The following SPATA2L variants were observed in gnomAD, a reference collection of about 807,000 sequenced individuals.
The protein encoded by SPATA2L is spermatogenesis-associated protein 2-like protein.
A neutral mutation model predicts 8.7 loss-of-function variants in SPATA2L; 5 were observed. The observed-to-expected ratio is 0.57, with a 90% CI of 0.30 to 1.21. The LOEUF (loss-of-function observed/expected upper bound fraction) is 1.21, where lower values mean the gene tolerates loss of function less well. Among genes scored for constraint, SPATA2L ranks in the 50% most tolerant of loss-of-function variants. SPATA2L has a pLI of 0.07. For missense variants in SPATA2L, 671 were observed against 591.0 expected (o/e 1.14, Z -1.40); for synonymous variants, 358 against 275.8 (o/e 1.30, Z -2.95).
chr16:89,696,913 C>T lies in SPATA2L; in HGVS notation c.*421G>A, dbSNP rs1417856748. On this transcript the variant is annotated 3_prime_UTR_variant, in exon 3 of 3. Transcript: ENST00000289805. ...TCACCAACAGGCCCTTGAGGACACT[C>T]GTGTGGAGAATCCCTGGGACACGTG... The T allele has an allele frequency of 2.3e-5, 35 of 1,528,264 alleles. No homozygotes were observed. Among genetic ancestry groups the T allele is most frequent in the Non-Finnish European group, 3.0e-5 (34 of 1,141,708 alleles). The allele number at this position is 1,528,264 out of a possible 1,614,324, so 94.7% of individuals were successfully genotyped here.
chr16:89,698,101 C>T lies in SPATA2L; in HGVS notation c.508G>A (p.Ala170Thr). The T allele has an allele frequency of 6.2e-7, 1 of 1,603,398 alleles. No homozygotes were observed. The change falls in exon 3 of 3, where the codon GCC becomes ACC. Residue 170 changes from alanine to threonine, a missense_variant. Transcript: ENST00000289805. Reference protein sequence around the residue: ...LECEILGEVLAQLGTSVLPAE... With the variant: ...LECEILGEVLTQLGTSVLPAE... The stretch of plus-strand genomic sequence containing the variant: ...GGCAGCACACTGGTGCCCAGCTGGG[C>T]CAGCACCTCACCCAGGATCTCACAC...
rs1298480849 is a variant in SPATA2L at position 89,696,749 on chromosome 16, C to T, written c.*585G>A. 6.6e-7 allele frequency: 1 copy of T among 1,514,684 alleles called. No individual in the cohort carries two copies. Among genetic ancestry groups the T allele is most frequent in the Non-Finnish European group, 8.8e-7 (1 of 1,130,392 alleles). 93.8% of individuals were successfully genotyped at this position (1,514,684 alleles called of 1,614,324 possible). ...TGCACCTCCACATCTGGTTTGAGGTCAGGTCATTTCCTGTCTGTGGGCCCA... is the reference window on the plus strand; with the variant it reads ...TGCACCTCCACATCTGGTTTGAGGTTAGGTCATTTCCTGTCTGTGGGCCCA... On this transcript the variant is annotated 3_prime_UTR_variant, in exon 3 of 3. Transcript: ENST00000289805.
In SPATA2L at chr16:89,696,719, T is replaced by A; in HGVS notation, c.*615A>T. ...GTCAGCCACTGCCCGTTCCTGCGCCTCTCGTGCACCTCCACATCTGGTTTG... is the reference window on the plus strand; with the variant it reads ...GTCAGCCACTGCCCGTTCCTGCGCCACTCGTGCACCTCCACATCTGGTTTG... On this transcript the variant is annotated 3_prime_UTR_variant, in exon 3 of 3. Transcript: ENST00000289805. 4.2e-6 allele frequency: 6 copies of A among 1,429,506 alleles called. No homozygotes were observed. Among genetic ancestry groups the A allele is most frequent in the Non-Finnish European group, 5.7e-6 (6 of 1,059,442 alleles). The allele number at this position is 1,429,506 out of a possible 1,614,324, so 88.6% of individuals were successfully genotyped here.
In SPATA2L at chr16:89,701,098, C is replaced by T. The variant is rs1180375064; in HGVS notation, c.135G>A (p.Leu45=). Residue 45 remains leucine, a synonymous_variant, in exon 2 of 3, where the codon CTG becomes CTA. Coordinates refer to ENST00000289805, the MANE Select transcript of SPATA2L (RefSeq NM_152339.4). ...LWQILVEDFD[L]HGALQDDALA... ...GCGCGTCGTCCTGCAGCGCCCCGTGCAGGTCGAAGTCCTCCACCAGGATCT... is the reference window on the plus strand; with the variant it reads ...GCGCGTCGTCCTGCAGCGCCCCGTGTAGGTCGAAGTCCTCCACCAGGATCT... The T allele has an allele frequency of 6.4e-7, 1 of 1,565,174 alleles. No homozygotes were observed.
chr16:89,696,803 G>A lies in SPATA2L; in HGVS notation c.*531C>T, dbSNP rs2151608540. On this transcript the variant is annotated 3_prime_UTR_variant, in exon 3 of 3. Coordinates refer to ENST00000289805, the MANE Select transcript of SPATA2L (RefSeq NM_152339.4). ...GCTGTGACACCCAAGGGGAGGGCCG[G>A]CGTCCCCGAAGCCAGGTCAGCCGTG... is the stretch of plus-strand genomic sequence containing the variant. 2 of 1,534,106 alleles carry A rather than the reference G, an allele frequency of 1.3e-6. No individual in the cohort carries two copies. Among genetic ancestry groups the A allele is most frequent in the South Asian group, 1.2e-5 (1 of 83,626 alleles).
Position 89,697,837 on chromosome 16 carries a change from C to A in SPATA2L, c.772G>T (p.Ala258Ser). The A allele has an allele frequency of 6.2e-7, 1 of 1,607,608 alleles. No homozygotes were observed. The highest frequency in any genetic ancestry group is 8.5e-7 in the Non-Finnish European group (1 of 1,178,106). ...PGPDSPPAEL[A>S]YRPPLWEQSA... ...TGCTCCCAGAGTGGTGGCCTGTAGG[C>A]CAGCTCCGCCGGGGGCGAGTCAGGG... The change falls in exon 3 of 3, where the codon GCC becomes TCC. Residue 258 changes from alanine to serine, a missense_variant. Coordinates refer to ENST00000289805, the MANE Select transcript of SPATA2L (RefSeq NM_152339.4).
Position 89,698,208 on chromosome 16 carries a change from CTG to C in SPATA2L, c.399_400del (p.Asp133GlufsTer30). ...CAGGGCGGTCACCATGAGCCGATGG[CTG>C]TCTCTGCGTACGTAGCCCATCTTCT... On this transcript the variant is annotated frameshift_variant, in exon 3 of 3. Coordinates refer to ENST00000289805, the MANE Select transcript of SPATA2L (RefSeq NM_152339.4). LOFTEE classifies it low-confidence loss of function (END_TRUNC). 6.2e-7 allele frequency: 1 copy of C among 1,613,044 alleles called. No homozygotes were observed. Among genetic ancestry groups the C allele is most frequent in the Non-Finnish European group, 8.5e-7 (1 of 1,179,852 alleles).
intron 2 of SPATA2L, among the ~76,000 whole-genome samples, chr16:89,699,940 A>G (rs2060764957): frequency 1.3e-5 from 2 of 152,132 alleles, no homozygotes; most frequent in Admixed American, 1.3e-4. Context: ...CAAATTCCCT[A>G]ACTCCGGGAC....
Position 89,701,632 on chromosome 16 carries a change from C to A in SPATA2L, c.-6G>T. The stretch of plus-strand genomic sequence containing the variant: ...TCCCGCGGGTGACGGCGCTACCTGT[C>A]TGTCCCCAGCGGTCTCCGGCCGCCG... On this transcript the variant is annotated 5_prime_UTR_variant, in exon 1 of 3. Transcript: ENST00000289805. The A allele has an allele frequency of 5.3e-6, 1 of 188,692 alleles. No homozygotes were observed. Among genetic ancestry groups the A allele is most frequent in the Non-Finnish European group, 1.1e-5 (1 of 92,426 alleles). The allele number at this position is 188,692 out of a possible 1,614,324, so 11.7% of individuals were successfully genotyped here.
intron 2 of SPATA2L, among the ~76,000 whole-genome samples, chr16:89,699,285 G>T (rs771653151): frequency 6.6e-6 from 1 of 152,092 alleles, no homozygotes; most frequent in South Asian, 2.1e-4. Flanking sequence ...TACAGATTTC[G>T]TTTGCTCCTC....
chr16:89,696,503 C>T lies in SPATA2L; in HGVS notation c.*831G>A, dbSNP rs2060723071. The stretch of plus-strand genomic sequence containing the variant: ...CCCAGAGGGGCTGTCACAGTGGATG[C>T]ACCCTGCCCTCTCCCTCGCCAGACC... On this transcript the variant is annotated 3_prime_UTR_variant, in exon 3 of 3. Coordinates refer to ENST00000289805, the MANE Select transcript of SPATA2L (RefSeq NM_152339.4). 1 of 392,142 alleles carries T rather than the reference C, an allele frequency of 2.6e-6. No homozygotes were observed. The highest frequency in any genetic ancestry group is 4.6e-6 in the Non-Finnish European group (1 of 216,072). The allele number at this position is 392,142 out of a possible 1,614,324, so 24.3% of individuals were successfully genotyped here.
At position 89,697,894 on chromosome 16, in the gene SPATA2L, C is replaced by T. The variant is rs777715911; in HGVS notation, c.715G>A (p.Asp239Asn). 22 of 1,611,506 alleles carry T rather than the reference C, an allele frequency of 1.4e-5. No homozygotes were observed. The highest frequency in any genetic ancestry group is 2.2e-5 in the South Asian group (2 of 91,028). ...GACGGCTCCCCATACAGGCTGGCGT[C>T]CTCCGACCCCTCGTCTTCCTGCAAG... ...RDLQEDEGSEDASLYGEPSPG... is the reference protein window; with the variant it reads ...RDLQEDEGSENASLYGEPSPG... The change falls in exon 3 of 3, where the codon GAC becomes AAC. Residue 239 changes from aspartate (D) to asparagine (N), a missense_variant. Coordinates refer to ENST00000289805, the MANE Select transcript of SPATA2L (RefSeq NM_152339.4).
At position 89,698,194 on chromosome 16, in the gene SPATA2L, C is replaced by G; in HGVS notation, c.415G>C (p.Val139Leu). The change falls in exon 3 of 3, where the codon GTG becomes CTG. Residue 139 changes from valine (V) to leucine (L), a missense_variant. Val to Leu is a conservative substitution (Grantham distance 32). Transcript: ENST00000289805. ...YVRRDSHRLMVTALPPACQLV... is the reference protein window; with the variant it reads ...YVRRDSHRLMLTALPPACQLV... Reference sequence around the variant, plus strand: ...TGGCAGGCGGGGGGCAGGGCGGTCACCATGAGCCGATGGCTGTCTCTGCGT... The same window carrying G: ...TGGCAGGCGGGGGGCAGGGCGGTCAGCATGAGCCGATGGCTGTCTCTGCGT... 1 of 1,613,016 alleles carries G rather than the reference C, an allele frequency of 6.2e-7. No homozygotes were observed. The highest frequency in any genetic ancestry group is 8.5e-7 in the Non-Finnish European group (1 of 1,179,894).
chr16:89,697,907 G>A lies in SPATA2L; in HGVS notation c.702C>T (p.Asp234=), dbSNP rs772683901. 57 of 1,611,376 alleles carry A rather than the reference G, an allele frequency of 3.5e-5. No homozygotes were observed. In the South Asian group the frequency reaches 4.9e-4, roughly 14 times the overall value. The change falls in exon 3 of 3, where the codon GAC becomes GAT. Residue 234 remains aspartate, a synonymous_variant. Coordinates refer to ENST00000289805, the MANE Select transcript of SPATA2L (RefSeq NM_152339.4). ...PLDLYRDLQE[D]EGSEDASLYG... is the part of the protein sequence containing the mutation. ...ACAGGCTGGCGTCCTCCGACCCCTC[G>A]TCTTCCTGCAAGTCCCGGTATAAGT... is the stretch of plus-strand genomic sequence containing the variant.
In SPATA2L at chr16:89,697,162, C is replaced by A; in HGVS notation, c.*172G>T. On this transcript the variant is annotated 3_prime_UTR_variant, in exon 3 of 3. Transcript: ENST00000289805. ...TTAGGCCTGCTGCCCTTGGAGCCTT[C>A]CATATACAGAGAGTCCCACCTCCAG... The A allele has an allele frequency of 7.2e-7, 1 of 1,381,814 alleles. No individual in the cohort carries two copies. Among genetic ancestry groups the A allele is most frequent in the East Asian group, 2.6e-5 (1 of 38,408 alleles). The allele number at this position is 1,381,814 out of a possible 1,614,324, so 85.6% of individuals were successfully genotyped here. A position where few individuals can be genotyped will look rare whatever the true frequency, so the allele number is the denominator to read the frequency against.
chr16:89,699,908 A>C lies in SPATA2L; in HGVS notation c.303+1022T>G, dbSNP rs546844316. Among the ~76,000 whole-genome samples, 4 of 152,272 alleles carry C rather than the reference A, an allele frequency of 2.6e-5. No homozygotes were observed. In the South Asian group the frequency reaches 8.3e-4, roughly 32 times the overall value. ...AGAACTAAAGGAGCTCAGGACAATC[A>C]CTGCGAGCGTCTCCTGACTCTCAAA... On this transcript the variant is annotated intron_variant, in intron 2 of 2. Coordinates refer to ENST00000289805, the MANE Select transcript of SPATA2L (RefSeq NM_152339.4).
chr16:89,699,775 C>T (rs2060763564), intron 2 of SPATA2L, among the ~76,000 whole-genome samples: 1 of 152,198 alleles, frequency 6.6e-6, no homozygotes, highest in Non-Finnish European at 1.5e-5. Context: ...TGGTGTCAAT[C>T]TCCTGACCTC....
chr16:89,696,909 C>T lies in SPATA2L; in HGVS notation c.*425G>A. On this transcript the variant is annotated 3_prime_UTR_variant, in exon 3 of 3. Transcript: ENST00000289805. Reference sequence around the variant, plus strand: ...GGTGTCACCAACAGGCCCTTGAGGACACTCGTGTGGAGAATCCCTGGGACA... The same window carrying T: ...GGTGTCACCAACAGGCCCTTGAGGATACTCGTGTGGAGAATCCCTGGGACA... The T allele has an allele frequency of 1.3e-6, 2 of 1,531,218 alleles. No homozygotes were observed. Among genetic ancestry groups the T allele is most frequent in the Non-Finnish European group, 1.7e-6 (2 of 1,143,756 alleles). 94.9% of individuals were successfully genotyped at this position (1,531,218 alleles called of 1,614,324 possible).
chr16:89,701,022 G>C lies in SPATA2L; in HGVS notation c.211C>G (p.Leu71Val), dbSNP rs1024808852. 7 of 1,571,866 alleles carry C rather than the reference G, an allele frequency of 4.5e-6. No individual in the cohort carries two copies. In the African/African-American group the frequency reaches 9.6e-5, roughly 22 times the overall value. The change falls in exon 2 of 3, where the codon CTA (leucine) becomes GTA (valine). Residue 71 changes from leucine (L) to valine (V), a missense_variant. Transcript: ENST00000289805. ...LWGRADLAPALRGLARAFELL... is the reference protein window; with the variant it reads ...LWGRADLAPAVRGLARAFELL... ...TCGAAGGCGCGAGCCAGGCCGCGTA[G>C]CGCGGGCGCCAGGTCGGCGCGGCCC... is the stretch of plus-strand genomic sequence containing the variant.
Sources: allele counts gnomAD v4.1 joint callset (sites outside exome capture counted in the v4.1 genomes callset), GRCh38; gene constraint gnomAD v4.1.1; transcripts MANE v1.5; gene names NCBI Gene and HGNC (gene_info 2026-07-23, HGNC 2026-07-21).